SLC13A3: variants seen among roughly 807,000 people sequenced by gnomAD.
The protein encoded by SLC13A3 is Na(+)/dicarboxylate cotransporter 3.
A neutral mutation model predicts 59.0 loss-of-function variants in SLC13A3; 40 were observed. The ratio of observed to expected loss-of-function variants is 0.68; its 90% CI spans 0.53 to 0.88. The LOEUF is 0.88. Among genes scored for constraint, SLC13A3 ranks in the 40% least tolerant of loss-of-function variants. The probability of loss-of-function intolerance (pLI) is 0.00; values close to 1 mark genes in which losing one functional copy is unlikely to be tolerated. For missense variants in SLC13A3, 699 were observed against 783.2 expected (o/e 0.89, Z 1.28); for synonymous variants, 317 against 330.3 (o/e 0.96, Z 0.44).
intron 1 of SLC13A3, among the ~76,000 whole-genome samples, chr20:46,614,222 G>C (rs1482218253): frequency 6.6e-6 from 1 of 152,146 alleles, no homozygotes; most frequent in Non-Finnish European, 1.5e-5. Flanking sequence ...TGTCCCATGA[G>C]AAGGTTACCA....
intron 3 of SLC13A3, among the ~76,000 whole-genome samples, chr20:46,601,162 A>C (rs566569989): frequency 2.0e-4 from 31 of 152,242 alleles, no homozygotes; most frequent in African/African-American, 6.7e-4. Context: ...ACGGGAACTA[A>C]ATCAGGGAAG....
At chr20:46,562,828 G>T (rs1052873305) in intron 12 of SLC13A3, among the ~76,000 whole-genome samples, 1 of 152,174 alleles carries the variant, frequency 6.6e-6, no homozygotes, top group Admixed American at 6.5e-5. Flanking sequence ...GGGGTCTTGT[G>T]CCTGGAGGGC....
chr20:46,658,194 C>A (rs1600624262), intron 1 of SLC13A3, among the ~76,000 whole-genome samples: 1 of 151,668 alleles, frequency 6.6e-6, no homozygotes, highest in East Asian at 1.9e-4. Flanking sequence ...ACATGCAACA[C>A]TCTAAATAAA....
intron 8 of SLC13A3, among the ~76,000 whole-genome samples, chr20:46,587,128 T>A (rs1313917525): frequency 1.3e-5 from 2 of 152,208 alleles, no homozygotes; most frequent in Non-Finnish European, 2.9e-5. Context: ...AGCTCCTAAC[T>A]ATTCTCCTCG....
chr20:46,659,716 C>CT (rs918352605), intron 1 of SLC13A3, among the ~76,000 whole-genome samples: 3 of 148,410 alleles, frequency 2.0e-5, no homozygotes, highest in East Asian at 2.0e-4. Context: ...ACCCTATCCC[C>CT]CCCCCCCAAA....
chr20:46,673,375 C>T (rs997747493), upstream of SLC13A3, among the ~76,000 whole-genome samples: 5 of 152,202 alleles, frequency 3.3e-5, no homozygotes, highest in Non-Finnish European at 5.9e-5. Context: ...TTTACATGAA[C>T]GATCAGGTCC....
rs149807433 is a variant in SLC13A3 at position 46,567,355 on chromosome 20, C to T, written c.1333-965G>A. Among the ~76,000 whole-genome samples, 917 of 152,228 alleles carry T rather than the reference C, an allele frequency of 6.0e-3. 2 individuals are homozygous for T. Among genetic ancestry groups the T allele is most frequent in the South Asian group, 0.017 (83 of 4,814 alleles). On this transcript the variant is annotated intron_variant, in intron 10 of 12. Transcript: ENST00000279027. ...ACCAGGCACCTGCAGGCATTAGCTC[C>T]TTGACTCCTCCCAACCATCCCAAAA...
At chr20:46,585,465 TA>T (rs11481479) in intron 8 of SLC13A3, 3 of 995,236 alleles carry the variant, frequency 3.0e-6, no homozygotes, top group South Asian at 4.4e-5. Context: ...ACATTTCTGT[TA>T]AAAAAATCTT....
intron 9 of SLC13A3, chr20:46,582,986 C>T (rs1310772877): frequency 1.0e-6 from 1 of 985,504 alleles, no homozygotes; most frequent in Non-Finnish European, 1.2e-6. Flanking sequence ...TCCTCAGTCC[C>T]CAACACTTCC....
At chr20:46,589,362 G>GGCTGCAACTGCCTGATAGCTTGTCTC in intron 6 of SLC13A3, 107 bp from the exon 7 acceptor site, 1 of 844,776 alleles carries the variant, frequency 1.2e-6, no homozygotes, top group Non-Finnish European at 1.9e-6. Flanking sequence ...CTGTCCGGGA[G>GGCTGCAACTGCCTGATAGCTTGTCTC]GCTGCAACTG....
At chr20:46,684,124 G>A (rs949951571) in intron 1 of SLC13A3, among the ~76,000 whole-genome samples, 4 of 152,108 alleles carry the variant, frequency 2.6e-5, no homozygotes, top group African/African-American at 9.7e-5. Flanking sequence ...CCTTGCTGTC[G>A]GGGATGTTTC....
chr20:46,663,113 A>C (rs1353834913), intron 1 of SLC13A3, among the ~76,000 whole-genome samples: 2 of 151,892 alleles, frequency 1.3e-5, no homozygotes, highest in African/African-American at 4.8e-5. Context: ...ATAGTGAGAT[A>C]TCATCGCTGT....
At chr20:46,582,600 T>TA (rs202135685) in intron 9 of SLC13A3, 21,163 of 706,668 alleles carry the variant, frequency 0.03, no homozygotes, top group Non-Finnish European at 0.033. Flanking sequence ...GAGACCCCAT[T>TA]AAAAAAAAAA....
intron 8 of SLC13A3, chr20:46,585,736 T>C (rs915371000): frequency 7.7e-7 from 1 of 1,296,732 alleles, no homozygotes; most frequent in African/African-American, 1.5e-5. Context: ...ATAATGCCCA[T>C]TTTGCATCTG....
intron 1 of SLC13A3, among the ~76,000 whole-genome samples, chr20:46,638,790 G>A (rs552851720): frequency 2.0e-5 from 3 of 152,252 alleles, no homozygotes; most frequent in Non-Finnish European, 4.4e-5. Flanking sequence ...TTGGCACCGC[G>A]GACATTTGGG....
chr20:46,682,354 A>G (rs1273942276), intron 1 of SLC13A3: 1 of 152,250 alleles, frequency 6.6e-6, no homozygotes, highest in Non-Finnish European at 1.5e-5. Context: ...CCCCTAAGGT[A>G]GCACGTGGTG....
At chr20:46,644,367 T>C (rs1177043222) in intron 1 of SLC13A3, among the ~76,000 whole-genome samples, 1 of 152,184 alleles carries the variant, frequency 6.6e-6, no homozygotes, top group African/African-American at 2.4e-5. Flanking sequence ...AATCTCCAGA[T>C]GAGAAAACTG....
chr20:46,628,018 C>T (rs1339416670), intron 1 of SLC13A3, among the ~76,000 whole-genome samples: 1 of 152,182 alleles, frequency 6.6e-6, no homozygotes, highest in Admixed American at 6.5e-5. Context: ...CTCCACCCAA[C>T]AGCAGCTCTG....
chr20:46,583,364 G>A (rs1300373026), intron 9 of SLC13A3: 1 of 1,300,940 alleles, frequency 7.7e-7, no homozygotes, highest in African/African-American at 1.5e-5. Flanking sequence ...GCTGGATTTG[G>A]TCTGAAGACT....
Sources: gnomAD v4.1 joint callset for allele counts (sites outside exome capture counted in the v4.1 genomes callset) on GRCh38, gnomAD v4.1.1 for gene constraint, MANE v1.5 for transcripts, NCBI Gene and HGNC (gene_info 2026-07-23, HGNC 2026-07-21) for gene names.